The following VWC2 variants were observed in gnomAD, a reference collection of about 807,000 sequenced individuals.
VWC2 encodes von Willebrand factor C domain containing 2.
A neutral mutation model predicts 29.8 loss-of-function variants in VWC2; 14 were observed. That is an observed-to-expected ratio of 0.47 (90% CI 0.31 to 0.74). VWC2 has a LOEUF of 0.74. Ranked by LOEUF, VWC2 falls within the 30% of genes least tolerant of loss-of-function variation. The pLI is 0.05. For synonymous variants in VWC2, 213 were observed against 199.0 expected (o/e 1.07, Z -0.59); for missense variants, 457 against 459.8 (o/e 0.99, Z 0.05).
At chr7:49,859,333 G>C (rs1446626817) in intron 3 of VWC2, among the ~76,000 whole-genome samples, 1 of 151,930 alleles carries the variant, frequency 6.6e-6, no homozygotes. Context: ...TTTTAAGTCT[G>C]GTTTTTAAAA....
intron 3 of VWC2, among the ~76,000 whole-genome samples, chr7:49,858,503 A>G (rs1790515658): frequency 6.8e-6 from 1 of 147,268 alleles, no homozygotes. Flanking sequence ...GGAATTGAAC[A>G]ATGACAACAC....
At chr7:49,874,463 C>T (rs1791310683) in intron 3 of VWC2, among the ~76,000 whole-genome samples, 1 of 151,902 alleles carries the variant, frequency 6.6e-6, no homozygotes. Context: ...GCAAGTGCAC[C>T]CTCTGATGTT....
chr7:49,882,461 A>T (rs1486912457), intron 3 of VWC2, among the ~76,000 whole-genome samples: 1 of 152,144 alleles, frequency 6.6e-6, no homozygotes, highest in East Asian at 1.9e-4. Context: ...TTTTCACTGT[A>T]AAGAGAAAGA....
At chr7:49,792,178 T>G (rs1413680952) in intron 2 of VWC2, among the ~76,000 whole-genome samples, 2 of 152,180 alleles carry the variant, frequency 1.3e-5, no homozygotes, top group Non-Finnish European at 2.9e-5. Context: ...TCCGAGTTGT[T>G]TCCCGGAATC....
Position 49,915,919 on chromosome 7 carries a change from T to C in VWC2, c.*3734T>C, listed in dbSNP as rs75838103. On this transcript the variant is annotated 3_prime_UTR_variant, in exon 4 of 4. Transcript: ENST00000340652. ...TGTCTTACTGAACCTACTTACCTAC[T>C]ATATTTTTTTTCCTCACTAGTAGCA... is the stretch of plus-strand genomic sequence containing the variant. 162 of 152,308 alleles carry C rather than the reference T, an allele frequency of 1.1e-3. 3 individuals carry two copies. In the East Asian group the frequency reaches 0.03, roughly 28 times the overall value. 9.4% of individuals were successfully genotyped at this position (152,308 alleles called of 1,614,324 possible).
At chr7:49,827,697 C>G (rs890603288) in intron 3 of VWC2, among the ~76,000 whole-genome samples, 1 of 152,088 alleles carries the variant, frequency 6.6e-6, no homozygotes, top group East Asian at 1.9e-4. Flanking sequence ...AAGAGCAATT[C>G]TAAGGCTCCT....
intron 3 of VWC2, among the ~76,000 whole-genome samples, chr7:49,883,366 T>G (rs1326480367): frequency 1.3e-5 from 2 of 152,118 alleles, no homozygotes; most frequent in African/African-American, 4.8e-5. Context: ...AAAAATGGCT[T>G]CGTCTGAAAT....
chr7:49,897,137 C>T (rs10279966), intron 3 of VWC2, among the ~76,000 whole-genome samples: 1 of 151,962 alleles, frequency 6.6e-6, no homozygotes, highest in Non-Finnish European at 1.5e-5. Context: ...CCTCATGATC[C>T]ACCCGCCTCG....
At chr7:49,780,895 C>T (rs1195668281) in intron 2 of VWC2, among the ~76,000 whole-genome samples, 2 of 152,132 alleles carry the variant, frequency 1.3e-5, no homozygotes, top group Non-Finnish European at 2.9e-5. Flanking sequence ...AATCTTATTT[C>T]TAGGTTTTTA....
chr7:49,797,215 T>C (rs1227842921), intron 2 of VWC2, among the ~76,000 whole-genome samples: 1 of 152,168 alleles, frequency 6.6e-6, no homozygotes, highest in East Asian at 1.9e-4. Context: ...GTAGTTGTAG[T>C]TGAGAAAGTT....
rs1010343289 is a variant in VWC2 at position 49,920,598 on chromosome 7, G to A, written c.*8413G>A. The A allele has an allele frequency of 9.2e-5, 14 of 152,138 alleles. No homozygotes were observed. The highest frequency in any genetic ancestry group is 3.4e-4 in the African/African-American group (14 of 41,434). 9.4% of individuals were successfully genotyped at this position (152,138 alleles called of 1,614,324 possible). ...GAACAGAGAGAGACTCTGCTTGGCC[G>A]AGTTTGCTATTCTCATTTGTCTATG... is the stretch of plus-strand genomic sequence containing the variant. On this transcript the variant is annotated 3_prime_UTR_variant, in exon 4 of 4. Coordinates refer to ENST00000340652, the MANE Select transcript of VWC2 (RefSeq NM_198570.5).
At chr7:49,776,377 G>A (rs1341290346) in intron 2 of VWC2, among the ~76,000 whole-genome samples, 2 of 152,224 alleles carry the variant, frequency 1.3e-5, no homozygotes, top group Non-Finnish European at 2.9e-5. Flanking sequence ...TGAGGATGAA[G>A]CCTATGGCAC....
rs575175858 is a variant in VWC2 at position 49,779,811 on chromosome 7, C to T, written c.696+3680C>T. On this transcript the variant is annotated intron_variant, in intron 2 of 3. Coordinates refer to ENST00000340652, the MANE Select transcript of VWC2 (RefSeq NM_198570.5). ...CAGCAGGGCTGGTTTCTTCCGAGGC[C>T]TCTCTCCTTGGCTTGCAGATGTCCA... Among the ~76,000 whole-genome samples the T allele has an allele frequency of 1.6e-4, 25 of 152,264 alleles. No homozygotes were observed. In the South Asian group the frequency reaches 4.4e-3, roughly 27 times the overall value.
intron 3 of VWC2, among the ~76,000 whole-genome samples, chr7:49,879,855 T>G (rs1791595627): frequency 6.6e-6 from 1 of 152,172 alleles, no homozygotes; most frequent in Admixed American, 6.5e-5. Flanking sequence ...TGTACTTATT[T>G]TAAAACCTCA....
intron 3 of VWC2, among the ~76,000 whole-genome samples, chr7:49,811,698 A>G (rs1323543217): frequency 6.6e-6 from 1 of 152,230 alleles, no homozygotes; most frequent in East Asian, 1.9e-4. Flanking sequence ...GAAAATGGAA[A>G]AATATTGTTG....
In VWC2 at chr7:49,775,806, C is replaced by T. The variant is rs1430105167; in HGVS notation, c.371C>T (p.Ala124Val). The change falls in exon 2 of 4, where the codon GCC becomes GTC. Residue 124 changes from alanine to valine, a missense_variant. Transcript: ENST00000340652. ...RGDTPQAEAL[A>V]AAAQDAIGPE... ...GACACCCCGCAGGCGGAAGCCCTGGCCGCAGCCGCCCAGGACGCGATTGGC... is the reference window on the plus strand; with the variant it reads ...GACACCCCGCAGGCGGAAGCCCTGGTCGCAGCCGCCCAGGACGCGATTGGC... 2.0e-6 allele frequency: 3 copies of T among 1,537,450 alleles called. No individual in the cohort carries two copies. The highest frequency in any genetic ancestry group is 2.5e-5 in the East Asian group (1 of 40,434).
At chr7:49,906,739 G>A (rs1793118958) in intron 3 of VWC2, among the ~76,000 whole-genome samples, 1 of 152,208 alleles carries the variant, frequency 6.6e-6, no homozygotes. Context: ...AAGTACAGAT[G>A]CTGAGTTGCC....
chr7:49,909,570 C>T (rs1314745148), intron 3 of VWC2, among the ~76,000 whole-genome samples: 2 of 152,046 alleles, frequency 1.3e-5, no homozygotes, highest in East Asian at 3.9e-4. Flanking sequence ...AATTTAAAGT[C>T]TTACAATTCA....
At chr7:49,872,084 A>G (rs926513868) in intron 3 of VWC2, among the ~76,000 whole-genome samples, 2 of 152,144 alleles carry the variant, frequency 1.3e-5, no homozygotes, top group African/African-American at 4.8e-5. Context: ...ATATATTTAA[A>G]GAACAGTATA....
Sources: gnomAD v4.1 joint callset for allele counts (sites outside exome capture counted in the v4.1 genomes callset) on GRCh38, gnomAD v4.1.1 for gene constraint, MANE v1.5 for transcripts, NCBI Gene and HGNC (gene_info 2026-07-23, HGNC 2026-07-21) for gene names.